The following IL3RA variants were observed in gnomAD, a reference collection of about 807,000 sequenced individuals.
IL3RA encodes interleukin-3 receptor subunit alpha.
A neutral mutation model predicts 52.3 loss-of-function variants in IL3RA; 73 were observed. The ratio of observed to expected loss-of-function variants is 1.40; its 90% CI spans 1.16 to 1.70. The LOEUF is 1.70. IL3RA is among the 40% of genes most tolerant of loss of function. The probability of loss-of-function intolerance (pLI) is 0.00; values close to 1 mark genes in which losing one functional copy is unlikely to be tolerated. For missense variants in IL3RA, 664 were observed against 504.4 expected, an observed-to-expected ratio of 1.32 and a Z score of -3.03; for synonymous variants, 260 against 194.0, an observed-to-expected ratio of 1.34 and a Z score of -2.83.
In IL3RA at chrX:1,348,678, C is replaced by CTTTCTT. The variant is rs1398588655; in HGVS notation, c.298+135_298+140dup. 45 of 476,832 alleles carry CTTTCTT rather than the reference C, an allele frequency of 9.4e-5. 3 individuals are homozygous for CTTTCTT. Among genetic ancestry groups the CTTTCTT allele is most frequent in the Non-Finnish European group, 1.4e-5 (4 of 276,784 alleles). The allele number at this position is 476,832 out of a possible 1,614,324, so 29.5% of individuals were successfully genotyped here. ...TCTTTCTTTCTTTCTTTCTTTCTTT[C>CTTTCTT]TTTCTTTCTTTCTTTTTCTTTCTTT... On this transcript the variant is annotated intron_variant, in intron 4 of 11. Coordinates refer to ENST00000331035, the MANE Select transcript of IL3RA (RefSeq NM_002183.4).
chrX:1,349,878 T>G (rs2086004661), intron 4 of IL3RA, among the ~76,000 whole-genome samples: 1 of 148,532 alleles, frequency 6.7e-6, no homozygotes, highest in East Asian at 2.1e-4. Flanking sequence ...GGTCTCGAAC[T>G]CCTGACCTTG....
intron 8 of IL3RA, among the ~76,000 whole-genome samples, chrX:1,363,418 A>G (rs1412348414): frequency 6.7e-6 from 1 of 150,198 alleles, no homozygotes; most frequent in Admixed American, 6.7e-5. Context: ...CTCCTGCCTC[A>G]GCCTCCTGAG....
intron 4 of IL3RA, among the ~76,000 whole-genome samples, chrX:1,348,930 C>T (rs1223101946): frequency 1.3e-5 from 2 of 148,842 alleles, no homozygotes; most frequent in African/African-American, 2.5e-5. Context: ...TTCTCTCCCT[C>T]CTCTTTTCCT....
intron 2 of IL3RA, among the ~76,000 whole-genome samples, chrX:1,342,400 A>G (rs2085527369): frequency 1.3e-5 from 2 of 151,918 alleles, no homozygotes; most frequent in South Asian, 2.1e-4. Context: ...TGCTGACCAC[A>G]AGTGATCCGT....
intron 1 of IL3RA, among the ~76,000 whole-genome samples, chrX:1,338,960 T>C (rs1261520813): frequency 1.3e-5 from 2 of 152,096 alleles, no homozygotes; most frequent in African/African-American, 4.8e-5. Flanking sequence ...CAACTACGCC[T>C]GGCTAATTTT....
intron 10 of IL3RA, 38 bp from the exon 11 acceptor site, chrX:1,380,985 T>A: frequency 6.4e-7 from 1 of 1,573,814 alleles, no homozygotes; most frequent in Non-Finnish European, 8.7e-7. Flanking sequence ...GCTGGTCGGT[T>A]TTGGGTTCAG....
chrX:1,379,289 G>A (rs1285118889), intron 10 of IL3RA, among the ~76,000 whole-genome samples: 1 of 152,058 alleles, frequency 6.6e-6, no homozygotes, highest in Non-Finnish European at 1.5e-5. Flanking sequence ...CCGAGTAGCT[G>A]GGATTACAGG....
chrX:1,364,347 C>T (rs1224766609), intron 8 of IL3RA, among the ~76,000 whole-genome samples: 7 of 146,014 alleles, frequency 4.8e-5, no homozygotes, highest in Middle Eastern at 3.8e-3. Context: ...CAAAATTAAC[C>T]GAGCGTGGTG....
intron 9 of IL3RA, among the ~76,000 whole-genome samples, chrX:1,377,769 G>A (rs1220420478): frequency 2.7e-5 from 4 of 149,720 alleles, no homozygotes; most frequent in East Asian, 2.0e-4. Context: ...GGGCTCAAGC[G>A]ATCCTCTCGG....
chrX:1,336,800 G>C lies in IL3RA; in HGVS notation c.-165G>C, dbSNP rs761494266. On this transcript the variant is annotated 5_prime_UTR_variant, in exon 1 of 12. Coordinates refer to ENST00000331035, the MANE Select transcript of IL3RA (RefSeq NM_002183.4). Reference sequence around the variant, plus strand: ...GGAGTACAACCTTCGGTTTCTCTTCGGGGAAAGCTGCTTTCAGCGCACACG... The same window carrying C: ...GGAGTACAACCTTCGGTTTCTCTTCCGGGAAAGCTGCTTTCAGCGCACACG... 4.1e-4 allele frequency: 62 copies of C among 152,266 alleles called. No homozygotes were observed. Among genetic ancestry groups the C allele is most frequent in the African/African-American group, 1.4e-3 (59 of 41,558 alleles). The allele number at this position is 152,266 out of a possible 1,614,324, so 9.4% of individuals were successfully genotyped here.
At chrX:1,339,724 G>C (rs1198790520) in intron 1 of IL3RA, among the ~76,000 whole-genome samples, 3 of 152,020 alleles carry the variant, frequency 2.0e-5, no homozygotes, top group Non-Finnish European at 2.9e-5. Flanking sequence ...CGTGGGAGGT[G>C]GAGGTTGCAG....
In IL3RA at chrX:1,352,408, T is replaced by C; in HGVS notation, c.518T>C (p.Leu173Pro). The C allele has an allele frequency of 1.2e-6, 2 of 1,613,852 alleles. No individual in the cohort carries two copies. Among genetic ancestry groups the C allele is most frequent in the Non-Finnish European group, 1.7e-6 (2 of 1,179,856 alleles). Reference sequence around the variant, plus strand: ...TGTCGTTTCGATGACATCTCTCGACTCTCCAGCGGTTCTCAAAGTTCCCAC... The same window carrying C: ...TGTCGTTTCGATGACATCTCTCGACCCTCCAGCGGTTCTCAAAGTTCCCAC... ...IGCRFDDISR[L>P]SSGSQSSHIL... The change falls in exon 6 of 12, where the codon CTC becomes CCC. Residue 173 changes from leucine to proline, a missense_variant. Physicochemically the swap from Leu to Pro is moderately conservative, Grantham distance 98 (BLOSUM62 -3). Transcript: ENST00000331035.
chrX:1,356,093 T>G, intron 6 of IL3RA, 128 bp from the exon 7 acceptor site: 1 of 667,900 alleles, frequency 1.5e-6, no homozygotes, highest in East Asian at 2.6e-5. Context: ...CTTCCTGGTG[T>G]TTTTCTCTCC....
At chrX:1,360,199 A>C (rs1359676608) in intron 8 of IL3RA, among the ~76,000 whole-genome samples, 87 of 62,372 alleles carry the variant, frequency 1.4e-3, no homozygotes, top group Non-Finnish European at 2.0e-3. Flanking sequence ...CCCGGTCTCT[A>C]TTTCCTCCCT....
At chrX:1,351,763 G>C (rs1280148612) in intron 4 of IL3RA, among the ~76,000 whole-genome samples, 60 of 151,024 alleles carry the variant, frequency 4.0e-4, no homozygotes, top group African/African-American at 1.4e-3. Flanking sequence ...CGAGTAGCTG[G>C]GATTACAGCG....
intron 3 of IL3RA, 112 bp downstream of exon 3, chrX:1,345,546 GT>G (rs2085705013): frequency 1.5e-6 from 1 of 663,118 alleles, no homozygotes; most frequent in Non-Finnish European, 2.3e-6. Flanking sequence ...CTGGACTGCG[GT>G]GACCCGATCT....
chrX:1,356,771 C>CA (rs749215619), intron 7 of IL3RA, among the ~76,000 whole-genome samples: 166 of 122,248 alleles, frequency 1.4e-3, no homozygotes, highest in African/African-American at 1.5e-3. Flanking sequence ...GACTCCGTCT[C>CA]AAAAAAAAAA....
intron 9 of IL3RA, among the ~76,000 whole-genome samples, chrX:1,377,546 T>C (rs1450727851): frequency 3.3e-5 from 5 of 151,588 alleles, no homozygotes; most frequent in African/African-American, 1.2e-4. Context: ...CCCGGCCAAA[T>C]TCCTTTTTTC....
intron 2 of IL3RA, among the ~76,000 whole-genome samples, chrX:1,343,264 T>C (rs1463297736): frequency 6.6e-6 from 1 of 152,074 alleles, no homozygotes; most frequent in Non-Finnish European, 1.5e-5. Flanking sequence ...TTACAGTTTA[T>C]AAAGTCATTT....
Sources: gnomAD v4.1 joint callset for allele counts (sites outside exome capture counted in the v4.1 genomes callset) on GRCh38, gnomAD v4.1.1 for gene constraint, MANE v1.5 for transcripts, NCBI Gene and HGNC (gene_info 2026-07-23, HGNC 2026-07-21) for gene names.